The following SPG7 variants were observed in gnomAD, a reference collection of about 807,000 sequenced individuals.
The protein encoded by SPG7 is SPG7 matrix AAA peptidase subunit, paraplegin.
A neutral mutation model predicts 81.9 loss-of-function variants in SPG7; 103 were observed. The ratio of observed to expected loss-of-function variants is 1.26; its 90% confidence interval spans 1.07 to 1.48. SPG7 has a LOEUF of 1.48. SPG7 is among the 40% of genes most tolerant of loss of function. SPG7 has a pLI of 0.00. For synonymous variants in SPG7, 534 were observed against 444.2 expected, an observed-to-expected ratio of 1.20 and a Z score of -2.54; for missense variants, 1,241 against 1,087.3, an observed-to-expected ratio of 1.14 and a Z score of -1.99.
chr16:89,548,417 G>C (rs748927414), intron 12 of SPG7: 2 of 359,494 alleles, frequency 5.6e-6, no homozygotes, highest in Middle Eastern at 9.1e-4. Context: ...AACTAAAAAT[G>C]TCTTGCCAGC....
At chr16:89,515,616 T>C (rs2058084990) in intron 3 of SPG7, among the ~76,000 whole-genome samples, 1 of 148,466 alleles carries the variant, frequency 6.7e-6, no homozygotes, top group Non-Finnish European at 1.5e-5. Flanking sequence ...GGCTCACACC[T>C]GTAATCTGAG....
Position 89,546,764 on chromosome 16 carries a change from C to T in SPG7, c.1552+4C>T, listed in dbSNP as rs764482312. On this transcript the variant is annotated splice_donor_region_variant and intron_variant, in intron 11 of 16. Coordinates refer to ENST00000645818, the MANE Select transcript of SPG7 (RefSeq NM_003119.4). The stretch of plus-strand genomic sequence containing the variant: ...GAGCTGACACCAGGATTCAGTGGTA[C>T]GTTCTCAACCCGCAGCCTGGGCAGC... 35 of 1,596,810 alleles carry T rather than the reference C, an allele frequency of 2.2e-5. No homozygotes were observed. The highest frequency in any genetic ancestry group is 4.5e-5 in the East Asian group (2 of 44,802).
Position 89,532,555 on chromosome 16 carries a change from A to G in SPG7, c.1243A>G (p.Lys415Glu). ...CATCGATGAGATCGACGCGGTGGGC[A>G]AGAAGCGCTCCACCACCATGTCCGG... is the stretch of plus-strand genomic sequence containing the variant. ...VYIDEIDAVG[K>E]KRSTTMSGFS... Residue 415 changes from lysine to glutamate, a missense_variant, in exon 9 of 17, where the codon AAG becomes GAG. Coordinates refer to ENST00000645818, the MANE Select transcript of SPG7 (RefSeq NM_003119.4). 1 of 1,613,748 alleles carries G rather than the reference A, an allele frequency of 6.2e-7. No individual in the cohort carries two copies. Among genetic ancestry groups the G allele is most frequent in the South Asian group, 1.1e-5 (1 of 91,082 alleles).
At chr16:89,531,372 TTTAA>T in intron 7 of SPG7, 1 of 185,616 alleles carries the variant, frequency 5.4e-6, no homozygotes, top group East Asian at 1.4e-4. Context: ...CATTTTTTTA[TTTAA>T]TTAATTTTTT....
intron 13 of SPG7, chr16:89,552,739 C>G (rs1448925089): frequency 5.4e-6 from 3 of 550,936 alleles, no homozygotes; most frequent in South Asian, 1.9e-5. Context: ...CCCTGCCTGT[C>G]TAGTCATGTA....
chr16:89,556,161 G>T (rs2058686123), intron 16 of SPG7: 1 of 398,896 alleles, frequency 2.5e-6, no homozygotes, highest in Non-Finnish European at 4.4e-6. Flanking sequence ...CACTCAGTGG[G>T]TTGCAGAACT....
At chr16:89,552,468 G>A (rs75687828) in intron 13 of SPG7, 9,409 of 174,878 alleles carry the variant, frequency 0.054, 349 homozygotes, top group Non-Finnish European at 0.086. Flanking sequence ...CCCCTGCCCC[G>A]TCTCCGTCCG....
chr16:89,552,669 C>T (rs1209165714), intron 13 of SPG7: 4 of 404,014 alleles, frequency 9.9e-6, no homozygotes, highest in South Asian at 6.3e-5. Context: ...CAGCGGCCAT[C>T]GGGGGTGAAA....
At chr16:89,545,994 T>C (rs907145161) in intron 10 of SPG7, 7 of 415,848 alleles carry the variant, frequency 1.7e-5, no homozygotes, top group Middle Eastern at 7.6e-4. Flanking sequence ...GCCGCCGTGC[T>C]GGTTAATTTT....
chr16:89,512,820 A>C (rs1209924418), intron 2 of SPG7, 128 bp from the exon 3 acceptor site: 1 of 864,726 alleles, frequency 1.2e-6, no homozygotes, highest in Admixed American at 1.9e-5. Flanking sequence ...TATAAATCTT[A>C]TGGATATAAG....
chr16:89,542,340 C>T (rs1005400417), intron 9 of SPG7: 7 of 152,374 alleles, frequency 4.6e-5, no homozygotes, highest in Admixed American at 3.3e-4. Flanking sequence ...CCAGTCCCCA[C>T]CCTCCCCAGC....
chr16:89,544,258 C>T, intron 9 of SPG7: 1 of 301,144 alleles, frequency 3.3e-6, no homozygotes, highest in Non-Finnish European at 6.5e-6. Flanking sequence ...TTCCAAGTCA[C>T]AGCCTAAAGC....
intron 3 of SPG7, among the ~76,000 whole-genome samples, chr16:89,514,764 C>G (rs181962728): frequency 3.3e-4 from 50 of 151,980 alleles, no homozygotes; most frequent in Admixed American, 1.7e-3. Context: ...TCCCAAAGTT[C>G]TAGGATTACA....
intron 8 of SPG7, 71 bp downstream of exon 8, chr16:89,532,137 T>G: frequency 6.8e-7 from 1 of 1,476,950 alleles, no homozygotes; most frequent in Non-Finnish European, 9.4e-7. Context: ...ATCCTTCCTC[T>G]GGTGTCTGGA....
intron 13 of SPG7, chr16:89,551,286 G>T (rs763241354): frequency 6.0e-6 from 1 of 167,458 alleles, no homozygotes; most frequent in Non-Finnish European, 1.3e-5. Context: ...AGGCGGCAGT[G>T]CTGTGTTCCT....
Position 89,508,564 on chromosome 16 carries a change from G to T in SPG7, c.147G>T (p.Pro49=). 6.7e-7 allele frequency: 1 copy of T among 1,494,636 alleles called. No individual in the cohort carries two copies. The highest frequency in any genetic ancestry group is 8.9e-7 in the Non-Finnish European group (1 of 1,127,872). 92.6% of individuals were successfully genotyped at this position (1,494,636 alleles called of 1,614,324 possible). The change falls in exon 1 of 17, where the codon CCG becomes CCT. Residue 49 remains proline (P), a synonymous_variant. Coordinates refer to ENST00000645818, the MANE Select transcript of SPG7 (RefSeq NM_003119.4). ...RGRPYMASRP[P]GDLAEAGGRA... ...GGCCGTACATGGCCAGCAGGCCTCC[G>T]GGGGACCTCGCCGAGGCTGGAGGCC...
At chr16:89,538,239 G>C (rs562376858) in intron 9 of SPG7, 2 of 152,236 alleles carry the variant, frequency 1.3e-5, no homozygotes, top group African/African-American at 4.8e-5. Context: ...CTGGTGCGTT[G>C]AGACATCCCT....
intron 3 of SPG7, chr16:89,523,756 C>T (rs1597620249): frequency 2.0e-6 from 1 of 512,206 alleles, no homozygotes; most frequent in East Asian, 5.3e-5. Context: ...AAATGGTTTC[C>T]TCTTAGGTGG....
At chr16:89,513,077 G>C (rs978927775) in intron 3 of SPG7, 40 bp downstream of exon 3, 3 of 1,565,506 alleles carry the variant, frequency 1.9e-6, no homozygotes, top group Non-Finnish European at 2.6e-6. Flanking sequence ...AGCTGCCTCT[G>C]GATGTCTTTA....
Sources: gnomAD v4.1 joint callset for allele counts (sites outside exome capture counted in the v4.1 genomes callset) on GRCh38, gnomAD v4.1.1 for gene constraint, MANE v1.5 for transcripts, NCBI Gene and HGNC (gene_info 2026-07-23, HGNC 2026-07-21) for gene names.